The following TMEM71 variants were observed in gnomAD, a reference collection of about 807,000 sequenced individuals.
The protein encoded by TMEM71 is transmembrane protein 71.
A neutral mutation model predicts 38.0 loss-of-function variants in TMEM71; 44 were observed. The observed-to-expected ratio is 1.16, with a 90% CI of 0.91 to 1.49. The LOEUF is 1.49. TMEM71 is among the 40% of genes most tolerant of loss of function. The probability of loss-of-function intolerance (pLI) is 0.00; values close to 1 mark genes in which losing one functional copy is unlikely to be tolerated. For missense variants in TMEM71, 367 were observed against 348.6 expected, an observed-to-expected ratio of 1.05 and a Z score of -0.42; for synonymous variants, 133 against 122.5, an observed-to-expected ratio of 1.09 and a Z score of -0.56.
intron 5 of TMEM71, among the ~76,000 whole-genome samples, chr8:132,732,452 T>G (rs1827510863): frequency 6.6e-6 from 1 of 152,122 alleles, no homozygotes; most frequent in Non-Finnish European, 1.5e-5. Context: ...CAAGAGCATG[T>G]GCATGAGGTC....
intron 3 of TMEM71, among the ~76,000 whole-genome samples, chr8:132,756,906 T>C (rs1031911339): frequency 6.6e-6 from 1 of 151,732 alleles, no homozygotes; most frequent in South Asian, 2.1e-4. Context: ...ATTTTTTTTT[T>C]AGACAAGTCT....
At chr8:132,763,552 C>A (rs1829328563), upstream of TMEM71, among the ~76,000 whole-genome samples, 1 of 152,148 alleles carries the variant, frequency 6.6e-6, no homozygotes. Context: ...AATTTCAGTA[C>A]AAAAAGTTCT....
At position 132,710,539 on chromosome 8, in the gene TMEM71, T is replaced by C. The variant is rs763381128; in HGVS notation, c.*428A>G. Reference sequence around the variant, plus strand: ...CAGGTTGGTATTAGTTAGACAAACTTGCTCTCATTATTCTATTAAAGCAAT... The same window carrying C: ...CAGGTTGGTATTAGTTAGACAAACTCGCTCTCATTATTCTATTAAAGCAAT... On this transcript the variant is annotated 3_prime_UTR_variant, in exon 10 of 10. Coordinates refer to ENST00000677595, the MANE Select transcript of TMEM71 (RefSeq NM_001382403.1). 5 of 318,050 alleles carry C rather than the reference T, an allele frequency of 1.6e-5. No homozygotes were observed. The highest frequency in any genetic ancestry group is 2.3e-5 in the Non-Finnish European group (4 of 176,512). The allele number at this position is 318,050 out of a possible 1,614,324, so 19.7% of individuals were successfully genotyped here. A position where few individuals can be genotyped will look rare whatever the true frequency, so the allele number is the denominator to read the frequency against.
chr8:132,741,413 G>T (rs1014681757), intron 5 of TMEM71, among the ~76,000 whole-genome samples: 17 of 152,118 alleles, frequency 1.1e-4, no homozygotes, highest in African/African-American at 4.1e-4. Context: ...AAGACACCTG[G>T]GCCCGGGGGA....
At chr8:132,711,095 T>C (rs1227329886) in intron 9 of TMEM71, 113 bp from the exon 10 acceptor site, 1 of 913,468 alleles carries the variant, frequency 1.1e-6, no homozygotes, top group South Asian at 1.6e-5. Flanking sequence ...CCCACACCCA[T>C]ACCCACAACG....
intron 4 of TMEM71, among the ~76,000 whole-genome samples, chr8:132,747,679 A>G (rs944371087): frequency 6.6e-6 from 1 of 152,212 alleles, no homozygotes; most frequent in Admixed American, 6.5e-5. Flanking sequence ...CAGGAGTGGC[A>G]GTGCTAATTG....
At chr8:132,746,358 T>C (rs62514074) in intron 5 of TMEM71, among the ~76,000 whole-genome samples, 1,851 of 20,214 alleles carry the variant, frequency 0.092, 39 homozygotes, top group East Asian at 0.32. Flanking sequence ...CACACAAATA[T>C]ACACACACAT....
At chr8:132,708,737 T>C (rs533479665), downstream of TMEM71, among the ~76,000 whole-genome samples, 42 of 152,318 alleles carry the variant, frequency 2.8e-4, no homozygotes, top group African/African-American at 9.4e-4. Flanking sequence ...GGAAAGATTA[T>C]TCTGGATTAT....
At chr8:132,728,987 G>T (rs1256116129) in intron 5 of TMEM71, among the ~76,000 whole-genome samples, 1 of 152,158 alleles carries the variant, frequency 6.6e-6, no homozygotes, top group East Asian at 1.9e-4. Context: ...TACACACATA[G>T]CTTCAAGAAC....
At chr8:132,731,276 G>A (rs1205658523) in intron 5 of TMEM71, among the ~76,000 whole-genome samples, 2 of 152,132 alleles carry the variant, frequency 1.3e-5, no homozygotes, top group South Asian at 2.1e-4. Context: ...GTGACCAAAT[G>A]TGATAATCAA....
chr8:132,737,537 T>C (rs571615282), intron 5 of TMEM71, among the ~76,000 whole-genome samples: 117 of 152,354 alleles, frequency 7.7e-4, no homozygotes, highest in Non-Finnish European at 1.5e-3. Flanking sequence ...TAAGAGCACA[T>C]GCTCAGACTT....
intron 6 of TMEM71, among the ~76,000 whole-genome samples, chr8:132,724,610 G>A (rs1468403913): frequency 6.6e-6 from 1 of 152,132 alleles, no homozygotes; most frequent in Non-Finnish European, 1.5e-5. Context: ...AAACACACAT[G>A]TTTTACAATC....
chr8:132,739,436 C>A (rs1002990828), intron 5 of TMEM71, among the ~76,000 whole-genome samples: 5 of 152,184 alleles, frequency 3.3e-5, no homozygotes, highest in African/African-American at 1.2e-4. Context: ...CTCAGCTTCC[C>A]GCATAGCTGG....
At chr8:132,722,009 T>A in intron 7 of TMEM71, 31 bp downstream of exon 7, 1 of 1,568,130 alleles carries the variant, frequency 6.4e-7, no homozygotes, top group Non-Finnish European at 8.8e-7. Flanking sequence ...AATTATGAAA[T>A]ACCGCTGCAT....
At chr8:132,752,140 C>T (rs1337799214) in intron 3 of TMEM71, 143 bp from the exon 4 acceptor site, 1 of 696,652 alleles carries the variant, frequency 1.4e-6, no homozygotes, top group African/African-American at 1.8e-5. Flanking sequence ...GAATGTCACT[C>T]TTAATGTTCT....
intron 5 of TMEM71, among the ~76,000 whole-genome samples, chr8:132,739,572 A>G (rs1241103740): frequency 6.6e-6 from 1 of 151,956 alleles, no homozygotes; most frequent in East Asian, 1.9e-4. Flanking sequence ...CGGCCTCCCA[A>G]AGTGCTGGGA....
In TMEM71 at chr8:132,751,891, T is replaced by C. The variant is rs1444404015; in HGVS notation, c.208A>G (p.Asn70Asp). ...TCTTCAGTCCAAATATAGTAGCCAT[T>C]GGTGAGGAGTCTGGGACTTCGGCGA... ...TCRRSPRLLT[N>D]GYYIWTEDSF... is the part of the protein sequence containing the mutation. The change falls in exon 4 of 10, where the codon AAT becomes GAT. Residue 70 changes from asparagine to aspartate, a missense_variant. Physicochemically the swap from Asn to Asp is conservative, Grantham distance 23. Coordinates refer to ENST00000677595, the MANE Select transcript of TMEM71 (RefSeq NM_001382403.1). 1 of 1,613,932 alleles carries C rather than the reference T, an allele frequency of 6.2e-7. No individual in the cohort carries two copies. Among genetic ancestry groups the C allele is most frequent in the Non-Finnish European group, 8.5e-7 (1 of 1,180,032 alleles).
intron 4 of TMEM71, among the ~76,000 whole-genome samples, chr8:132,748,276 T>A (rs974521668): frequency 8.5e-5 from 13 of 152,242 alleles, no homozygotes; most frequent in African/African-American, 3.1e-4. Context: ...GTGTGTTCTT[T>A]ATCCTGATGG....
intron 7 of TMEM71, among the ~76,000 whole-genome samples, chr8:132,717,300 C>A (rs1461512997): frequency 2.0e-5 from 3 of 152,136 alleles, no homozygotes; most frequent in African/African-American, 7.2e-5. Context: ...AGTGAAAAGG[C>A]AAACCACAGA....
Sources: gnomAD v4.1 joint callset for allele counts (sites outside exome capture counted in the v4.1 genomes callset) on GRCh38, gnomAD v4.1.1 for gene constraint, MANE v1.5 for transcripts, NCBI Gene and HGNC (gene_info 2026-07-23, HGNC 2026-07-21) for gene names.